Variants in STOX2 observed in about 807,000 individuals in gnomAD.
The protein encoded by STOX2 is storkhead-box protein 2.
STOX2 carries 28 observed loss-of-function variants against 60.9 expected under a neutral mutation model. The observed-to-expected ratio is 0.46, with a 90% CI of 0.34 to 0.63. The LOEUF is 0.63. STOX2 is among the 30% of genes least tolerant of loss of function. The pLI is 0.01. For missense variants in STOX2, 1,024 were observed against 1,187.7 expected (o/e 0.86, Z 2.03); for synonymous variants, 472 against 463.9 (o/e 1.02, Z -0.22).
intron 1 of STOX2, among the ~76,000 whole-genome samples, chr4:183,920,860 T>C (rs1008375866): frequency 6.6e-6 from 1 of 152,186 alleles, no homozygotes; most frequent in African/African-American, 2.4e-5. Flanking sequence ...GAAGATGAGA[T>C]AGCTGGGACC....
chr4:183,959,264 T>G (rs1743344495), intron 1 of STOX2, among the ~76,000 whole-genome samples: 1 of 152,140 alleles, frequency 6.6e-6, no homozygotes, highest in Admixed American at 6.5e-5. Flanking sequence ...GAAGACAAAT[T>G]TTTACCTTAG....
chr4:183,857,247 TCGCAGGAC>T (rs1740310430), intron 1 of STOX2, among the ~76,000 whole-genome samples: 1 of 140,266 alleles, frequency 7.1e-6, no homozygotes, highest in African/African-American at 2.6e-5. Flanking sequence ...ACTGGTCATC[TCGCAGGAC>T]TGGTTATCCT....
Position 183,893,590 on chromosome 4 carries a change from TTACACTATTATTTTACATATAAAA to T in STOX2, c.364+95560_364+95583del, listed in dbSNP as rs1163136547. ...AAGAGCGGATGGAGATACTCTTATT[TTACACTATTATTTTACATATAAAA>T]TACACTATTATTTTACATATAAAAG... is the stretch of plus-strand genomic sequence containing the variant. On this transcript the variant is annotated intron_variant, in intron 1 of 2. Coordinates refer to the STOX2 transcript ENST00000513034. Among the ~76,000 whole-genome samples, 355 of 151,186 alleles carry T rather than the reference TTACACTATTATTTTACATATAAAA, an allele frequency of 2.3e-3. 2 individuals carry two copies. The highest frequency in any genetic ancestry group is 7.8e-3 in the African/African-American group (325 of 41,432).
At position 183,878,459 on chromosome 4, in the gene STOX2, T is replaced by G. The variant is rs552825922; in HGVS notation, c.364+80404T>G. ...TTGTCACTTCATAAGGACCAATTAT[T>G]CTGTTTTAACAGTCGTTTTCTGGGT... On this transcript the variant is annotated intron_variant, in intron 1 of 2. Transcript: ENST00000513034. Among the ~76,000 whole-genome samples, 47 of 152,362 alleles carry G rather than the reference T, an allele frequency of 3.1e-4. 1 individual carries two copies. The South Asian group carries it at 9.3e-3, about 30-fold the overall frequency.
chr4:184,001,377 A>G lies in STOX2; in HGVS notation c.219A>G (p.Pro73=), dbSNP rs1322759683. ...CCATCAGTCAGTCTCAGTTTATTCC[A>G]CTCGGGGAGATCCTCTGCTTGGCCA... ...MSPISQSQFI[P]LGEILCLAIS... Residue 73 remains proline, a synonymous_variant, in exon 2 of 4, where the codon CCA becomes CCG. Coordinates refer to ENST00000308497, the MANE Select transcript of STOX2 (RefSeq NM_020225.3). The surrounding 1 kb of genome is among the most constrained non-coding windows in gnomAD (Gnocchi z 4.2). The G allele has an allele frequency of 8.7e-6, 14 of 1,613,536 alleles. No homozygotes were observed. In the South Asian group the frequency reaches 1.4e-4, roughly 16 times the overall value.
intron 1 of STOX2, among the ~76,000 whole-genome samples, chr4:183,859,423 A>G (rs1560850179): frequency 1.3e-5 from 2 of 152,316 alleles, no homozygotes; most frequent in Non-Finnish European, 2.9e-5. Flanking sequence ...TGTGACAGGC[A>G]CCTACAGAGC....
intron 1 of STOX2, among the ~76,000 whole-genome samples, chr4:183,852,761 A>T (rs945420484): frequency 6.6e-6 from 1 of 152,232 alleles, no homozygotes; most frequent in African/African-American, 2.4e-5. Context: ...CCTATTTAAT[A>T]AAACGAATGG....
chr4:184,004,083 A>G (rs999535952), intron 2 of STOX2, among the ~76,000 whole-genome samples: 2 of 152,288 alleles, frequency 1.3e-5, no homozygotes, highest in South Asian at 2.1e-4. Context: ...GGATTTAAAG[A>G]TCATATTTAT....
rs1734607450 is a variant in STOX2 at position 184,021,927 on chromosome 4, T to A, written c.*4643T>A. ...GCCCAAGCAGGAGCAATCTCTTCTA[T>A]CCCCCATCTCCCCCAGGACCATCCC... On this transcript the variant is annotated 3_prime_UTR_variant, in exon 4 of 4. Transcript: ENST00000308497. The A allele has an allele frequency of 6.6e-6, 1 of 152,296 alleles. No individual in the cohort carries two copies. The highest frequency in any genetic ancestry group is 1.5e-5 in the Non-Finnish European group (1 of 68,274). The allele number at this position is 152,296 out of a possible 1,614,324, so 9.4% of individuals were successfully genotyped here. A position where few individuals can be genotyped will look rare whatever the true frequency, so the allele number is the denominator to read the frequency against.
At chr4:183,838,518 TAA>T (rs1333627755) in intron 1 of STOX2, among the ~76,000 whole-genome samples, 2 of 152,232 alleles carry the variant, frequency 1.3e-5, no homozygotes, top group African/African-American at 4.8e-5. Flanking sequence ...TCTTTGTTGA[TAA>T]ATCTGTTATT....
At chr4:183,874,161 G>T (rs1740759117) in intron 1 of STOX2, among the ~76,000 whole-genome samples, 1 of 152,144 alleles carries the variant, frequency 6.6e-6, no homozygotes. Flanking sequence ...GAAACAGATT[G>T]CAGAGACTTG....
rs1734132223 is a variant in STOX2 at position 184,010,949 on chromosome 4, T to G, written c.2111T>G (p.Phe704Cys). Residue 704 changes from phenylalanine (F) to cysteine (C), a missense_variant, in exon 3 of 4, where the codon TTC becomes TGC. By Grantham distance (205) the Phe-to-Cys change is radical (BLOSUM62 -2). Coordinates refer to ENST00000308497, the MANE Select transcript of STOX2 (RefSeq NM_020225.3). This position sits in a 1 kb window ranked among gnomAD's most constrained non-coding sequence, Gnocchi z 4.5. ...RKEIFSKDTL[F>C]KPLHSTLSVN... ...GAGATATTTAGCAAAGACACACTGT[T>G]CAAACCTCTTCACAGCACCTTGTCT... The G allele has an allele frequency of 3.1e-6, 5 of 1,613,344 alleles. No individual in the cohort carries two copies. Among genetic ancestry groups the G allele is most frequent in the Non-Finnish European group, 4.2e-6 (5 of 1,179,644 alleles).
intron 1 of STOX2, among the ~76,000 whole-genome samples, chr4:183,881,796 T>C (rs922608382): frequency 2.0e-5 from 3 of 152,254 alleles, no homozygotes; most frequent in African/African-American, 7.2e-5. Context: ...GATTTCATTC[T>C]CTGTGTGGCA....
intron 1 of STOX2, among the ~76,000 whole-genome samples, chr4:183,925,390 C>G (rs746116872): frequency 3.3e-5 from 5 of 151,992 alleles, no homozygotes; most frequent in African/African-American, 4.8e-5. Flanking sequence ...GCTATGTTGC[C>G]CAGGCTGGTC....
intron 1 of STOX2, among the ~76,000 whole-genome samples, chr4:183,940,307 G>GA (rs1328830154): frequency 1.3e-5 from 2 of 152,250 alleles, no homozygotes; most frequent in East Asian, 3.8e-4. Context: ...TAGGGCAAAA[G>GA]AAACACCTAG....
intron 1 of STOX2, among the ~76,000 whole-genome samples, chr4:183,835,537 TTTAATTAA>T (rs749866501): frequency 6.6e-6 from 1 of 152,134 alleles, no homozygotes; most frequent in Non-Finnish European, 1.5e-5. Context: ...CCAATAGATT[TTTAATTAA>T]TTAATTAATT....
chr4:183,910,356 T>A (rs943593971), intron 1 of STOX2, among the ~76,000 whole-genome samples: 2 of 152,224 alleles, frequency 1.3e-5, no homozygotes, highest in Admixed American at 1.3e-4. Flanking sequence ...ACTTTATGTA[T>A]GAAAACATGC....
intron 1 of STOX2, among the ~76,000 whole-genome samples, chr4:183,874,649 G>A (rs977123477): frequency 1.3e-5 from 2 of 151,366 alleles, no homozygotes; most frequent in African/African-American, 4.9e-5. Flanking sequence ...TATATTGGCC[G>A]GGCGCGGTGG....
intron 1 of STOX2, among the ~76,000 whole-genome samples, chr4:184,000,915 A>G (rs1314371559): frequency 6.6e-6 from 1 of 152,248 alleles, no homozygotes; most frequent in Admixed American, 6.5e-5. Context: ...CCCAGCAGAC[A>G]CGTAAACGCG....
Sources: allele counts gnomAD v4.1 joint callset (sites outside exome capture counted in the v4.1 genomes callset), GRCh38; gene constraint gnomAD v4.1.1; non-coding constraint Gnocchi (gnomAD v3.1); transcripts MANE v1.5; gene names NCBI Gene and HGNC (gene_info 2026-07-23, HGNC 2026-07-21).